The following DNER variants were observed in gnomAD, a reference collection of about 807,000 sequenced individuals.
The protein encoded by DNER is delta/notch like EGF repeat containing, also known as delta and Notch-like epidermal growth factor-related receptor.
A neutral mutation model predicts 78.2 loss-of-function variants in DNER; 33 were observed. That is an observed-to-expected ratio of 0.42 (90% CI 0.32 to 0.56). The LOEUF is 0.56. Among genes scored for constraint, DNER ranks in the 20% least tolerant of loss-of-function variants. The pLI is 0.11. For missense variants in DNER, 918 were observed against 975.3 expected (o/e 0.94, Z 0.78); for synonymous variants, 417 against 384.8 (o/e 1.08, Z -0.98).
rs576893552 is a variant in DNER at position 229,565,194 on chromosome 2, G to T, written c.848-18102C>A. ...AGTCTGAGGAAGAGGCTCTGGAAAA[G>T]TTTGCTCCCTGAGAAAACAGCAATG... On this transcript the variant is annotated intron_variant, in intron 4 of 12. Transcript: ENST00000341772. Among the ~76,000 whole-genome samples the T allele has an allele frequency of 1.9e-4, 29 of 152,288 alleles. No individual in the cohort carries two copies. The East Asian group carries it at 5.0e-3, about 26-fold the overall frequency.
chr2:229,703,595 A>G (rs994914516), intron 1 of DNER, among the ~76,000 whole-genome samples: 22 of 152,204 alleles, frequency 1.4e-4, no homozygotes, highest in African/African-American at 5.1e-4. Context: ...AAGAAAAGGA[A>G]GGGCTGGGCA....
intron 1 of DNER, among the ~76,000 whole-genome samples, chr2:229,646,910 T>A (rs1698728334): frequency 6.6e-6 from 1 of 152,246 alleles, no homozygotes; most frequent in South Asian, 2.1e-4. Flanking sequence ...GGCTCACACC[T>A]GTAATCCCAG....
intron 7 of DNER, among the ~76,000 whole-genome samples, chr2:229,461,414 T>C (rs1341763514): frequency 1.3e-5 from 2 of 152,148 alleles, no homozygotes; most frequent in Non-Finnish European, 2.9e-5. Flanking sequence ...TAAGTGTTTT[T>C]TTTAAAATTC....
intron 4 of DNER, among the ~76,000 whole-genome samples, chr2:229,576,065 A>G (rs1372399006): frequency 2.0e-5 from 3 of 152,074 alleles, no homozygotes; most frequent in African/African-American, 7.3e-5. Flanking sequence ...GAACATTCCA[A>G]TGGTTCTCCC....
At chr2:229,583,409 C>CT (rs1019690500) in intron 4 of DNER, among the ~76,000 whole-genome samples, 6 of 152,186 alleles carry the variant, frequency 3.9e-5, no homozygotes, top group African/African-American at 7.2e-5. Context: ...TGTTGAATAT[C>CT]TTATACAACT....
At chr2:229,471,463 T>C (rs35153017) in intron 7 of DNER, among the ~76,000 whole-genome samples, 54,816 of 151,936 alleles carry the variant, frequency 0.36, 11,648 homozygotes, top group African/African-American at 0.59. Flanking sequence ...TCCCTAGAGT[T>C]ACTTAGAGGT....
At chr2:229,492,658 C>A (rs1445131449) in intron 6 of DNER, among the ~76,000 whole-genome samples, 1 of 148,302 alleles carries the variant, frequency 6.7e-6, no homozygotes, top group Non-Finnish European at 1.5e-5. Flanking sequence ...AAACTCACAA[C>A]TCATTTTTTA....
rs1372405586 is a variant in DNER at position 229,502,758 on chromosome 2, T to C, written c.1147+10025A>G. ...GGTAGAGATATCCTCCTCAGAGTGA[T>C]AGTTTGATAGAGAAATAGGACAGGT... is the stretch of plus-strand genomic sequence containing the variant. On this transcript the variant is annotated intron_variant, in intron 6 of 12. Coordinates refer to ENST00000341772, the MANE Select transcript of DNER (RefSeq NM_139072.4). Among the ~76,000 whole-genome samples, 4 of 152,182 alleles carry C rather than the reference T, an allele frequency of 2.6e-5. No homozygotes were observed. The East Asian group carries it at 7.7e-4, about 29-fold the overall frequency.
intron 4 of DNER, among the ~76,000 whole-genome samples, chr2:229,574,421 A>G (rs1242640303): frequency 6.6e-6 from 1 of 152,196 alleles, no homozygotes; most frequent in African/African-American, 2.4e-5. Flanking sequence ...CCACAAAGAA[A>G]ACTGTTAGAG....
chr2:229,474,567 T>A (rs543290970), intron 7 of DNER, among the ~76,000 whole-genome samples: 4 of 152,154 alleles, frequency 2.6e-5, no homozygotes, highest in African/African-American at 9.7e-5. Flanking sequence ...TAGATCAGCA[T>A]CCAGGATTTA....
intron 4 of DNER, among the ~76,000 whole-genome samples, chr2:229,549,295 T>C (rs1265713598): frequency 1.3e-5 from 2 of 152,172 alleles, no homozygotes; most frequent in Non-Finnish European, 2.9e-5. Context: ...AAAAAAATTA[T>C]ATTCATTTCC....
chr2:229,642,957 C>T (rs143902516), intron 1 of DNER, among the ~76,000 whole-genome samples: 85 of 152,264 alleles, frequency 5.6e-4, no homozygotes, highest in African/African-American at 1.8e-3. Flanking sequence ...GGCACAGTGG[C>T]TCATGACTGC....
intron 8 of DNER, among the ~76,000 whole-genome samples, chr2:229,445,507 G>T (rs1326310519): frequency 2.6e-5 from 4 of 152,218 alleles, no homozygotes; most frequent in Admixed American, 1.3e-4. Context: ...CTAGATGTTG[G>T]TATGAAGGTG....
intron 4 of DNER, among the ~76,000 whole-genome samples, chr2:229,559,231 A>G (rs1696911346): frequency 1.3e-5 from 2 of 152,254 alleles, no homozygotes; most frequent in South Asian, 2.1e-4. Context: ...TAGAAACATC[A>G]TGGCTGAAGA....
chr2:229,554,897 GA>G (rs1696822798), intron 4 of DNER, among the ~76,000 whole-genome samples: 25 of 91,738 alleles, frequency 2.7e-4, no homozygotes, highest in African/African-American at 3.4e-4. Context: ...GAAGAGAAGA[GA>G]AGAGAAGAGA....
At chr2:229,482,678 G>T (rs1695190514) in intron 6 of DNER, among the ~76,000 whole-genome samples, 1 of 152,202 alleles carries the variant, frequency 6.6e-6, no homozygotes, top group Admixed American at 6.5e-5. Context: ...ACAAAGAGAA[G>T]TGGGGCACAG....
At chr2:229,587,100 C>G (rs2154214498) in intron 3 of DNER, 3 of 649,676 alleles carry the variant, frequency 4.6e-6, no homozygotes, top group East Asian at 2.8e-4. Context: ...AAGCATTTAA[C>G]GAGATAGAAG....
chr2:229,635,436 C>T (rs1393732836), intron 1 of DNER, among the ~76,000 whole-genome samples: 1 of 149,070 alleles, frequency 6.7e-6, no homozygotes, highest in Non-Finnish European at 1.5e-5. Context: ...GGAAGAGGGG[C>T]CGGCACACTG....
intron 5 of DNER, among the ~76,000 whole-genome samples, chr2:229,513,784 T>C (rs183772142): frequency 6.6e-6 from 1 of 152,252 alleles, no homozygotes; most frequent in East Asian, 1.9e-4. Flanking sequence ...TAAGAAAATC[T>C]AAACAAAACA....
Sources: gnomAD v4.1 joint callset for allele counts (sites outside exome capture counted in the v4.1 genomes callset) on GRCh38, gnomAD v4.1.1 for gene constraint, MANE v1.5 for transcripts, NCBI Gene and HGNC (gene_info 2026-07-23, HGNC 2026-07-21) for gene names.